The following ZNF407 variants were observed in gnomAD, a reference collection of about 807,000 sequenced individuals.
ZNF407 encodes zinc finger protein 407.
In ZNF407, 17 loss-of-function variants were observed where a neutral mutation model predicts 131.2. The observed-to-expected ratio is 0.13, with a 90% CI of 0.09 to 0.19. The LOEUF is 0.19. Among genes scored for constraint, ZNF407 ranks in the 10% least tolerant of loss-of-function variants. The pLI is 1.00. For missense variants in ZNF407, 2,681 were observed against 2,830.6 expected (o/e 0.95, Z 1.20); for synonymous variants, 1,156 against 1,062.0 (o/e 1.09, Z -1.72).
chr18:74,724,758 T>G (rs768748466), intron 3 of ZNF407, among the ~76,000 whole-genome samples: 28 of 152,210 alleles, frequency 1.8e-4, no homozygotes, highest in Non-Finnish European at 3.2e-4. Context: ...ATGTTGGTTG[T>G]TCACAGTTTT....
At chr18:74,755,728 C>CCTTTCCTTCTTTCTTTCTTT (rs1968926481) in intron 3 of ZNF407, among the ~76,000 whole-genome samples, 3 of 63,468 alleles carry the variant, frequency 4.7e-5, no homozygotes, top group Admixed American at 4.2e-4. Context: ...TTCTTTCTTT[C>CCTTTCCTTCTTTCTTTCTTT]CTTTCTTTCT....
At chr18:75,000,029 C>T (rs535668627) in intron 8 of ZNF407, among the ~76,000 whole-genome samples, 64 of 152,174 alleles carry the variant, frequency 4.2e-4, no homozygotes, top group African/African-American at 1.4e-3. Context: ...GCAGAAAAGG[C>T]AATGTAAAGA....
intron 3 of ZNF407, among the ~76,000 whole-genome samples, chr18:74,729,837 A>G (rs894186994): frequency 2.0e-5 from 3 of 151,930 alleles, no homozygotes; most frequent in African/African-American, 4.8e-5. Context: ...ATAAAATTGG[A>G]AAAAAAAGAC....
intron 2 of ZNF407, among the ~76,000 whole-genome samples, chr18:74,636,019 A>C (rs899326722): frequency 2.0e-5 from 3 of 152,104 alleles, no homozygotes; most frequent in African/African-American, 7.2e-5. Context: ...AGTCCTAATT[A>C]TTTGATTTTC....
At chr18:74,775,926 A>G (rs529866346) in intron 3 of ZNF407, among the ~76,000 whole-genome samples, 5 of 152,300 alleles carry the variant, frequency 3.3e-5, no homozygotes, top group African/African-American at 1.2e-4. Context: ...CGAGCTCTCT[A>G]CAGTACCGAG....
intron 8 of ZNF407, among the ~76,000 whole-genome samples, chr18:74,931,156 T>C (rs372565783): frequency 6.6e-6 from 1 of 152,214 alleles, no homozygotes; most frequent in South Asian, 2.1e-4. Flanking sequence ...TAGGCAATTG[T>C]TTCTTGGATG....
chr18:74,653,509 A>G (rs995670715), intron 3 of ZNF407, among the ~76,000 whole-genome samples: 1 of 151,848 alleles, frequency 6.6e-6, no homozygotes, highest in Non-Finnish European at 1.5e-5. Context: ...CTATTGTGAA[A>G]TATTACTAAC....
chr18:75,017,839 G>A (rs1599295911), intron 8 of ZNF407, among the ~76,000 whole-genome samples: 1 of 151,994 alleles, frequency 6.6e-6, no homozygotes, highest in African/African-American at 2.4e-5. Context: ...AGCCCTGCCT[G>A]GTAGAATTAC....
At chr18:74,919,230 G>A (rs1971814029) in intron 7 of ZNF407, among the ~76,000 whole-genome samples, 1 of 152,184 alleles carries the variant, frequency 6.6e-6, no homozygotes, top group South Asian at 2.1e-4. Context: ...GTCATTGACT[G>A]CCTTTGTGTG....
In ZNF407 at chr18:74,877,376, G is replaced by T; in HGVS notation, c.5044+13G>T. 6.2e-7 allele frequency: 1 copy of T among 1,608,846 alleles called. No homozygotes were observed. The highest frequency in any genetic ancestry group is 8.5e-7 in the Non-Finnish European group (1 of 1,176,848). The stretch of plus-strand genomic sequence containing the variant: ...AGGACGCACACAGGTGTGCCGCGCC[G>T]CCTTCCTATCCCAGGAGGCTGGGCA... On this transcript the variant is annotated intron_variant, in intron 5 of 8. Transcript: ENST00000299687.
intron 8 of ZNF407, among the ~76,000 whole-genome samples, chr18:74,965,937 T>A (rs150436664): frequency 6.6e-6 from 1 of 152,284 alleles, no homozygotes; most frequent in Non-Finnish European, 1.5e-5. Context: ...CCTTTCCATA[T>A]GCCTGTTTGC....
At chr18:74,727,389 T>A (rs1396449502) in intron 3 of ZNF407, among the ~76,000 whole-genome samples, 1 of 152,114 alleles carries the variant, frequency 6.6e-6, no homozygotes, top group Non-Finnish European at 1.5e-5. Context: ...CTCATCCAGG[T>A]CCCTCATCCA....
chr18:74,898,311 A>C (rs193285009), intron 7 of ZNF407: 7 of 152,314 alleles, frequency 4.6e-5, no homozygotes, highest in Admixed American at 1.3e-4. Flanking sequence ...CTTCTTAATT[A>C]GGGAATGTAG....
At chr18:74,949,864 G>A (rs762097992) in intron 8 of ZNF407, among the ~76,000 whole-genome samples, 56 of 152,170 alleles carry the variant, frequency 3.7e-4, no homozygotes, top group Non-Finnish European at 7.1e-4. Context: ...GAAACCCACA[G>A]CCTGTTTGAT....
chr18:74,979,713 A>G (rs1972567096), intron 8 of ZNF407, among the ~76,000 whole-genome samples: 3 of 152,268 alleles, frequency 2.0e-5, no homozygotes, highest in Admixed American at 6.5e-5. Context: ...ACTGAAATAC[A>G]TCATGAAATA....
At chr18:74,877,924 G>A (rs1971181971) in intron 5 of ZNF407, among the ~76,000 whole-genome samples, 1 of 152,160 alleles carries the variant, frequency 6.6e-6, no homozygotes, top group Admixed American at 6.5e-5. Flanking sequence ...TCCGCATTTA[G>A]CTACTATAAT....
At chr18:75,011,090 T>C (rs1207072205) in intron 8 of ZNF407, among the ~76,000 whole-genome samples, 1 of 152,194 alleles carries the variant, frequency 6.6e-6, no homozygotes, top group Admixed American at 6.5e-5. Context: ...CTGAGTCTTA[T>C]TTATAAAATC....
chr18:74,933,746 T>A (rs1972009085), intron 8 of ZNF407, among the ~76,000 whole-genome samples: 1 of 152,204 alleles, frequency 6.6e-6, no homozygotes, highest in Non-Finnish European at 1.5e-5. Flanking sequence ...ACAAAAATTA[T>A]ACTAAATGGC....
intron 8 of ZNF407, among the ~76,000 whole-genome samples, chr18:75,003,750 T>TG (rs969818788): frequency 1.3e-5 from 2 of 152,240 alleles, no homozygotes; most frequent in Non-Finnish European, 2.9e-5. Flanking sequence ...GTACAGATAC[T>TG]GTGTTTTCTG....
Sources: gnomAD v4.1 joint callset for allele counts (sites outside exome capture counted in the v4.1 genomes callset) on GRCh38, gnomAD v4.1.1 for gene constraint, MANE v1.5 for transcripts, NCBI Gene and HGNC (gene_info 2026-07-23, HGNC 2026-07-21) for gene names.